The following ABCC5 variants were observed in gnomAD, a reference collection of about 807,000 sequenced individuals.
ABCC5 encodes the protein ATP binding cassette subfamily C member 5.
Under a neutral mutation model 160.9 loss-of-function variants are expected in ABCC5, and 61 were observed. The observed-to-expected ratio is 0.38, with a 90% CI of 0.31 to 0.47. The LOEUF (loss-of-function observed/expected upper bound fraction) is 0.47, where lower values mean the gene tolerates loss of function less well. Among genes scored for constraint, ABCC5 ranks in the 20% least tolerant of loss-of-function variants. The probability of loss-of-function intolerance (pLI) is 0.99; values close to 1 mark genes in which losing one functional copy is unlikely to be tolerated. For synonymous variants in ABCC5, 666 were observed against 700.6 expected, an observed-to-expected ratio of 0.95 and a Z score of 0.78; for missense variants, 1,308 against 1,813.3, an observed-to-expected ratio of 0.72 and a Z score of 5.06.
intron 10 of ABCC5, among the ~76,000 whole-genome samples, chr3:183,975,075 C>T (rs1272484733): frequency 6.6e-6 from 1 of 152,182 alleles, no homozygotes; most frequent in Admixed American, 6.5e-5. Flanking sequence ...TATATTCCAT[C>T]TTCTAAAAAT....
intron 17 of ABCC5, among the ~76,000 whole-genome samples, chr3:183,959,447 T>C (rs536204912): frequency 9.9e-5 from 15 of 152,276 alleles, no homozygotes; most frequent in African/African-American, 3.1e-4. Flanking sequence ...CCATTCGATT[T>C]TTCCTTACTC....
At chr3:183,946,063 G>C (rs1714812580) in intron 23 of ABCC5, 124 bp from the exon 24 acceptor site, 7 of 852,634 alleles carry the variant, frequency 8.2e-6, no homozygotes, top group Admixed American at 3.5e-5. Context: ...CTGGTCTTAG[G>C]GACCTAGTCA....
intron 17 of ABCC5, among the ~76,000 whole-genome samples, chr3:183,957,880 G>A (rs550729524): frequency 9.2e-5 from 11 of 119,084 alleles, no homozygotes; most frequent in East Asian, 5.2e-4. Context: ...ATGCGGATCC[G>A]TGTGTATATC....
At chr3:184,012,559 TG>T (rs1436865397) in intron 2 of ABCC5, among the ~76,000 whole-genome samples, 1 of 152,248 alleles carries the variant, frequency 6.6e-6, no homozygotes, top group Non-Finnish European at 1.5e-5. Context: ...TCCATACCTT[TG>T]GGTCTGTACT....
chr3:183,958,761 G>A (rs1716461868), intron 17 of ABCC5, among the ~76,000 whole-genome samples: 10 of 151,918 alleles, frequency 6.6e-5, no homozygotes. Flanking sequence ...ACCACGTTTG[G>A]CTAATTTTTA....
At chr3:183,983,781 GAAA>G (rs1389414321) in intron 5 of ABCC5, 30 of 985,284 alleles carry the variant, frequency 3.0e-5, no homozygotes, top group Non-Finnish European at 2.9e-5. Context: ...TATTGAAAAT[GAAA>G]AAATATAAAA....
At chr3:183,977,302 A>C (rs1042653480) in intron 10 of ABCC5, among the ~76,000 whole-genome samples, 1 of 152,238 alleles carries the variant, frequency 6.6e-6, no homozygotes, top group African/African-American at 2.4e-5. Context: ...ATGGCCGTTC[A>C]CAAAAGGTAA....
intron 2 of ABCC5, among the ~76,000 whole-genome samples, chr3:183,995,602 A>G (rs1720209288): frequency 6.6e-6 from 1 of 152,158 alleles, no homozygotes; most frequent in Non-Finnish European, 1.5e-5. Context: ...TGCCTGTGTG[A>G]GTCTATTTCT....
chr3:183,974,969 CAA>C (rs1168726175), intron 10 of ABCC5, among the ~76,000 whole-genome samples: 1 of 152,122 alleles, frequency 6.6e-6, no homozygotes, highest in African/African-American at 2.4e-5. Context: ...TGATGTAAAA[CAA>C]GACACAGGGT....
chr3:183,990,926 C>T (rs745580614), intron 2 of ABCC5, among the ~76,000 whole-genome samples: 4 of 152,180 alleles, frequency 2.6e-5, no homozygotes, highest in Non-Finnish European at 5.9e-5. Flanking sequence ...CTTCATTTTC[C>T]TCAATTTCCT....
chr3:183,932,571 G>A (rs1456312531), intron 26 of ABCC5, among the ~76,000 whole-genome samples: 1 of 152,164 alleles, frequency 6.6e-6, no homozygotes, highest in Non-Finnish European at 1.5e-5. Flanking sequence ...AGAGCCAGCC[G>A]GCCAGCCTGG....
intron 1 of ABCC5, 55 bp from the exon 2 acceptor site, chr3:184,014,502 T>G: frequency 9.5e-7 from 1 of 1,056,432 alleles, no homozygotes; most frequent in South Asian, 3.3e-5. Context: ...TACTTAACCA[T>G]AAGCTCAAGT....
At chr3:183,936,599 C>CA (rs1401437962) in intron 26 of ABCC5, among the ~76,000 whole-genome samples, 1 of 152,000 alleles carries the variant, frequency 6.6e-6, no homozygotes, top group Admixed American at 6.6e-5. Flanking sequence ...GCTCTGCCTC[C>CA]CGGGTTCACA....
chr3:183,948,879 A>G (rs538891973), intron 22 of ABCC5, among the ~76,000 whole-genome samples: 28 of 151,728 alleles, frequency 1.8e-4, no homozygotes, highest in African/African-American at 6.8e-4. Flanking sequence ...TTTTTTTGTA[A>G]TTTTAGTAGA....
intron 12 of ABCC5, among the ~76,000 whole-genome samples, chr3:183,965,770 TG>T (rs1717162759): frequency 6.6e-6 from 1 of 152,166 alleles, no homozygotes; most frequent in Admixed American, 6.6e-5. Context: ...GTGTGCAAAC[TG>T]TTTAAATTAG....
chr3:183,947,460 C>A lies in ABCC5; in HGVS notation c.3278G>T (p.Cys1093Phe). 6.2e-7 allele frequency: 1 copy of A among 1,609,340 alleles called. No individual in the cohort carries two copies. The highest frequency in any genetic ancestry group is 1.3e-5 in the African/African-American group (1 of 74,742). Reference sequence around the variant, plus strand: ...CCGCACAGCCAGCCACCGCATCGCACACGTAAACAAAAAAAAAGGAGCTTG... The same window carrying A: ...CCGCACAGCCAGCCACCGCATCGCAAACGTAAACAAAAAAAAAGGAGCTTG... ...DNQAPFFLFT[C>F]AMRWLAVRLD... is the part of the protein sequence containing the mutation. Residue 1093 changes from cysteine to phenylalanine, a missense_variant, in exon 23 of 30, where the codon TGT becomes TTT. This residue lies in a region of ABCC5 where 1,142 missense variants were observed against 1,527.1 expected (regional missense o/e 0.75). Transcript: ENST00000334444.
At chr3:183,929,412 G>A (rs1185827053) in intron 26 of ABCC5, among the ~76,000 whole-genome samples, 2 of 152,082 alleles carry the variant, frequency 1.3e-5, no homozygotes, top group Non-Finnish European at 2.9e-5. Context: ...TAGCCTGGGC[G>A]ACAGAGTGAG....
At position 183,949,831 on chromosome 3, in the gene ABCC5, A is replaced by G. The variant is rs747093822; in HGVS notation, c.3149T>C (p.Phe1050Ser). The change falls in exon 22 of 30, where the codon TTC becomes TCC. Residue 1050 changes from phenylalanine to serine, a missense_variant. Phe to Ser is a radical substitution (Grantham distance 155). Transcript: ENST00000334444. This position sits in a 1 kb window ranked among gnomAD's most constrained non-coding sequence, Gnocchi z 4.2. Reference protein sequence around the residue: ...KRLDNITQSPFLSHITSSIQG... With the variant: ...KRLDNITQSPSLSHITSSIQG... ...TATGCTGGACGTGATGTGGGAGAGG[A>G]AAGGTGACTGCGTGATATTGTCCAG... is the stretch of plus-strand genomic sequence containing the variant. The G allele has an allele frequency of 6.2e-7, 1 of 1,614,214 alleles. No homozygotes were observed. Among genetic ancestry groups the G allele is most frequent in the East Asian group, 2.2e-5 (1 of 44,884 alleles).
chr3:184,008,313 C>T (rs1346600160), intron 2 of ABCC5, among the ~76,000 whole-genome samples: 1 of 152,150 alleles, frequency 6.6e-6, no homozygotes, highest in African/African-American at 2.4e-5. Context: ...ATATGATCTA[C>T]ATGTGCATAT....
Sources: gnomAD v4.1 joint callset for allele counts (sites outside exome capture counted in the v4.1 genomes callset) on GRCh38, gnomAD v4.1.1 for gene constraint, gnomAD v4.1.1 regional missense constraint, Gnocchi (gnomAD v3.1) non-coding constraint, MANE v1.5 for transcripts, NCBI Gene and HGNC (gene_info 2026-07-23, HGNC 2026-07-21) for gene names.